The following INO80B variants were observed in gnomAD, a reference collection of about 807,000 sequenced individuals.
INO80B encodes the protein INO80 complex subunit B.
Under a neutral mutation model 31.4 loss-of-function variants are expected in INO80B, and 18 were observed. The ratio of observed to expected loss-of-function variants is 0.57; its 90% CI spans 0.40 to 0.85. INO80B has a LOEUF of 0.85. INO80B is among the 40% of genes least tolerant of loss of function. The pLI is 0.00. For missense variants in INO80B, 469 were observed against 475.4 expected, an observed-to-expected ratio of 0.99 and a Z score of 0.13; for synonymous variants, 238 against 199.0, an observed-to-expected ratio of 1.20 and a Z score of -1.65.
intron 4 of INO80B, among the ~76,000 whole-genome samples, chr2:74,456,916 T>C (rs944860063): frequency 6.6e-6 from 1 of 152,158 alleles, no homozygotes; most frequent in Non-Finnish European, 1.5e-5. Context: ...TAGATACTTG[T>C]GGGGAGGGGA....
chr2:74,455,331 G>A (rs1363478651), intron 1 of INO80B, 75 bp from the exon 2 acceptor site: 4 of 1,580,544 alleles, frequency 2.5e-6, no homozygotes, highest in Non-Finnish European at 1.7e-6. Flanking sequence ...GTGGGATCCA[G>A]TAGGGGCTTA....
chr2:74,456,146 A>T lies in INO80B; in HGVS notation c.414A>T (p.Ser138=), dbSNP rs1671690883. Residue 138 remains serine (S), a synonymous_variant, in exon 4 of 5, where the codon TCA becomes TCT. Coordinates refer to ENST00000233331, the MANE Select transcript of INO80B (RefSeq NM_031288.4). ...CTCCCTCTCCACTTCGGGACCTATC[A>T]GGAGGGTTAGGGGGTCAGGAGGAAG... is the stretch of plus-strand genomic sequence containing the variant. The part of the protein sequence containing the change: ...NLSPSPLRDL[S]GGLGGQEEEE... The T allele has an allele frequency of 6.2e-7, 1 of 1,610,966 alleles. No homozygotes were observed.
chr2:74,456,941 T>C (rs996424255), intron 4 of INO80B, among the ~76,000 whole-genome samples: 1 of 152,204 alleles, frequency 6.6e-6, no homozygotes, highest in Non-Finnish European at 1.5e-5. Context: ...AGAGAAAATA[T>C]ATCAAGGCTA....
rs548651773 is a variant in INO80B at position 74,456,369 on chromosome 2, G to T, written c.540+97G>T. On this transcript the variant is annotated intron_variant, in intron 4 of 4. Coordinates refer to ENST00000233331, the MANE Select transcript of INO80B (RefSeq NM_031288.4). ...TTGCGTGGCATTGGGGATATCGATAGTAGAGAAAAGACAAAGTTTCTGTTC... is the reference window on the plus strand; with the variant it reads ...TTGCGTGGCATTGGGGATATCGATATTAGAGAAAAGACAAAGTTTCTGTTC... The T allele has an allele frequency of 7.3e-6, 9 of 1,236,734 alleles. No individual in the cohort carries two copies. In the African/African-American group the frequency reaches 1.2e-4, roughly 16 times the overall value. The allele number at this position is 1,236,734 out of a possible 1,614,324, so 76.6% of individuals were successfully genotyped here.
Position 74,455,467 on chromosome 2 carries a change from C to G in INO80B, c.120C>G (p.His40Gln). Residue 40 changes from histidine (H) to glutamine (Q), a missense_variant, in exon 2 of 5, where the codon CAC becomes CAG. Coordinates refer to ENST00000233331, the MANE Select transcript of INO80B (RefSeq NM_031288.4). ...AHGHGVHKKKHKKHKKKHKKK... is the reference protein window; with the variant it reads ...AHGHGVHKKKQKKHKKKHKKK... ...GCCATGGAGTGCACAAGAAAAAACA[C>G]AAGAAGCACAAGAAGAAACACAAGA... 1 of 1,614,082 alleles carries G rather than the reference C, an allele frequency of 6.2e-7. No homozygotes were observed. The highest frequency in any genetic ancestry group is 8.5e-7 in the Non-Finnish European group (1 of 1,179,996).
intron 3 of INO80B, 53 bp from the exon 4 acceptor site, chr2:74,456,050 T>A: frequency 2.6e-6 from 4 of 1,567,776 alleles, no homozygotes; most frequent in Non-Finnish European, 3.5e-6. Flanking sequence ...TCAGCCAAAT[T>A]AGGGTGCCCC....
Position 74,455,159 on chromosome 2 carries a change from G to A in INO80B, c.43G>A (p.Glu15Lys), listed in dbSNP as rs779633364. The change falls in exon 1 of 5, where the codon GAG becomes AAG. Residue 15 changes from glutamate to lysine, a missense_variant. Physicochemically the swap from Glu to Lys is moderately conservative, Grantham distance 56 (BLOSUM62 1). Transcript: ENST00000233331. ...GCGTGGGAGCACCTCTGGGGCTATGGAGGCCCCTGAGCCGGGTAAGCGCGA... is the reference window on the plus strand; with the variant it reads ...GCGTGGGAGCACCTCTGGGGCTATGAAGGCCCCTGAGCCGGGTAAGCGCGA... ...WRRGSTSGAM[E>K]APEPGEALEL... 5 of 1,614,080 alleles carry A rather than the reference G, an allele frequency of 3.1e-6. No individual in the cohort carries two copies. In the Admixed American group the frequency reaches 6.7e-5, roughly 22 times the overall value.
intron 1 of INO80B, 92 bp downstream of exon 1, chr2:74,455,266 T>C: frequency 6.5e-7 from 1 of 1,548,528 alleles, no homozygotes. Context: ...CGGCCACAGG[T>C]GGCAAGGAGA....
chr2:74,457,615 CT>C lies in INO80B; in HGVS notation c.823del (p.Tyr275ThrfsTer?). On this transcript the variant is annotated frameshift_variant, in exon 5 of 5. Coordinates refer to ENST00000233331, the MANE Select transcript of INO80B (RefSeq NM_031288.4). LOFTEE classifies it high-confidence loss of function. ...RAAAPAPMVRYCSGAQGSTLS... is the reference protein window; with the variant it reads ...RAAAPAPMVRXCSGAQGSTLS... ...CTGCGGCTCCGGCCCCCATGGTGCG[CT>C]ACTGCAGCGGAGCACAGGGTTCCAC... 6.3e-7 allele frequency: 1 copy of C among 1,579,466 alleles called. No individual in the cohort carries two copies.
intron 1 of INO80B, 30 bp from the exon 2 acceptor site, chr2:74,455,376 A>T (rs752379431): frequency 6.2e-7 from 1 of 1,614,014 alleles, no homozygotes; most frequent in South Asian, 1.1e-5. Context: ...CCCTCCGGCC[A>T]AACACTGTCG....
chr2:74,456,146 A>C lies in INO80B; in HGVS notation c.414A>C (p.Ser138=), dbSNP rs1671690883. Residue 138 remains serine (S), a synonymous_variant, in exon 4 of 5, where the codon TCA becomes TCC. Coordinates refer to ENST00000233331, the MANE Select transcript of INO80B (RefSeq NM_031288.4). The part of the protein sequence containing the change: ...NLSPSPLRDL[S]GGLGGQEEEE... Reference sequence around the variant, plus strand: ...CTCCCTCTCCACTTCGGGACCTATCAGGAGGGTTAGGGGGTCAGGAGGAAG... The same window carrying C: ...CTCCCTCTCCACTTCGGGACCTATCCGGAGGGTTAGGGGGTCAGGAGGAAG... 1 of 1,610,966 alleles carries C rather than the reference A, an allele frequency of 6.2e-7. No individual in the cohort carries two copies. The highest frequency in any genetic ancestry group is 2.2e-5 in the East Asian group (1 of 44,872).
At chr2:74,456,072 T>C in intron 3 of INO80B, 31 bp from the exon 4 acceptor site, 2 of 1,576,558 alleles carry the variant, frequency 1.3e-6, no homozygotes, top group Non-Finnish European at 1.7e-6. Context: ...TCTGAACAAT[T>C]CTGTTTTTCT....
In INO80B at chr2:74,457,814, A is replaced by G. The variant is rs148408686; in HGVS notation, c.1021A>G (p.Met341Val). ...TCAGTGCTACCGCATCAACCTGCAG[A>G]TGCGGCTGGGGGGGCCCGAGGGTCC... The part of the protein sequence containing the change: ...SLQCYRINLQ[M>V]RLGGPEGPGS... Residue 341 changes from methionine to valine, a missense_variant, in exon 5 of 5, where the codon ATG (methionine) becomes GTG (valine). This residue lies in a region of INO80B where 201 missense variants were observed against 151.7 expected (regional missense o/e 1.32). Coordinates refer to ENST00000233331, the MANE Select transcript of INO80B (RefSeq NM_031288.4). 6.3e-7 allele frequency: 1 copy of G among 1,589,702 alleles called. No homozygotes were observed. Among genetic ancestry groups the G allele is most frequent in the African/African-American group, 1.4e-5 (1 of 73,948 alleles).
rs1671740288 is a variant in INO80B at position 74,457,588 on chromosome 2, G to A, written c.795G>A (p.Arg265=). The A allele has an allele frequency of 6.6e-7, 1 of 1,523,772 alleles. No homozygotes were observed. The highest frequency in any genetic ancestry group is 8.8e-7 in the Non-Finnish European group (1 of 1,140,604). 94.4% of individuals were successfully genotyped at this position (1,523,772 alleles called of 1,614,324 possible). Reference sequence around the variant, plus strand: ...CACGGGGCGAGCGGCGGGGAGGGCGGGCTGCGGCTCCGGCCCCCATGGTGC... The same window carrying A: ...CACGGGGCGAGCGGCGGGGAGGGCGAGCTGCGGCTCCGGCCCCCATGGTGC... ...GGARGERRGG[R]AAAPAPMVRY... The change falls in exon 5 of 5, where the codon CGG becomes CGA. Residue 265 remains arginine, a synonymous_variant. Transcript: ENST00000233331.
Position 74,457,448 on chromosome 2 carries a change from C to T in INO80B, c.655C>T (p.Arg219Trp). The T allele has an allele frequency of 6.3e-7, 1 of 1,577,252 alleles. No individual in the cohort carries two copies. The highest frequency in any genetic ancestry group is 8.6e-7 in the Non-Finnish European group (1 of 1,161,922). The stretch of plus-strand genomic sequence containing the variant: ...GGAGATGCTGCTGAAGCGCGAGGAG[C>T]GGGCGCGGAAGCGGCGGCTCCAGGC... ...TEEMLLKREE[R>W]ARKRRLQAAR... Residue 219 changes from arginine (R) to tryptophan (W), a missense_variant, in exon 5 of 5, where the codon CGG becomes TGG. Around this residue, in one of 3 missense-constraint regions of INO80B, gnomAD observed 45 missense variants for 70.3 expected, o/e 0.64. Coordinates refer to ENST00000233331, the MANE Select transcript of INO80B (RefSeq NM_031288.4).
chr2:74,456,295 C>A, intron 4 of INO80B, 23 bp downstream of exon 4: 1 of 1,613,038 alleles, frequency 6.2e-7, no homozygotes, highest in Non-Finnish European at 8.5e-7. Flanking sequence ...ATTGTTTATT[C>A]ACTCACCAAA....
Position 74,457,898 on chromosome 2 carries a change from G to T in INO80B, c.*34G>T, listed in dbSNP as rs369116918. ...ACCCGGACTCTGCGCCCCGTCCCAT[G>T]CCCGCTCTTGAGTATCTTCCCCACC... On this transcript the variant is annotated 3_prime_UTR_variant, in exon 5 of 5. Coordinates refer to ENST00000233331, the MANE Select transcript of INO80B (RefSeq NM_031288.4). The T allele has an allele frequency of 6.7e-6, 10 of 1,495,918 alleles. No individual in the cohort carries two copies. The highest frequency in any genetic ancestry group is 8.9e-6 in the Non-Finnish European group (10 of 1,127,656). 92.7% of individuals were successfully genotyped at this position (1,495,918 alleles called of 1,614,324 possible).
chr2:74,456,403 C>G (rs1671702887), intron 4 of INO80B, 131 bp downstream of exon 4: 1 of 807,808 alleles, frequency 1.2e-6, no homozygotes, highest in Non-Finnish European at 2.0e-6. Context: ...TCTCCTGGAG[C>G]TAGTATTCTA....
chr2:74,457,587 G>C lies in INO80B; in HGVS notation c.794G>C (p.Arg265Pro), dbSNP rs1241360453. Residue 265 changes from arginine (R) to proline (P), a missense_variant, in exon 5 of 5, where the codon CGG becomes CCG. By Grantham distance (103) the Arg-to-Pro change is moderately radical. Around this residue, in one of 3 missense-constraint regions of INO80B, gnomAD observed 201 missense variants for 151.7 expected, o/e 1.32. Coordinates refer to ENST00000233331, the MANE Select transcript of INO80B (RefSeq NM_031288.4). Reference sequence around the variant, plus strand: ...GCACGGGGCGAGCGGCGGGGAGGGCGGGCTGCGGCTCCGGCCCCCATGGTG... The same window carrying C: ...GCACGGGGCGAGCGGCGGGGAGGGCCGGCTGCGGCTCCGGCCCCCATGGTG... ...GGARGERRGG[R>P]AAAPAPMVRY... is the part of the protein sequence containing the mutation. The C allele has an allele frequency of 4.6e-6, 7 of 1,522,470 alleles. No individual in the cohort carries two copies. In the Admixed American group the frequency reaches 1.2e-4, roughly 27 times the overall value. The allele number at this position is 1,522,470 out of a possible 1,614,324, so 94.3% of individuals were successfully genotyped here. A position where few individuals can be genotyped will look rare whatever the true frequency, so the allele number is the denominator to read the frequency against.
Sources: gnomAD v4.1 joint callset for allele counts (sites outside exome capture counted in the v4.1 genomes callset) on GRCh38, gnomAD v4.1.1 for gene constraint, gnomAD v4.1.1 regional missense constraint, MANE v1.5 for transcripts, NCBI Gene and HGNC (gene_info 2026-07-23, HGNC 2026-07-21) for gene names.